RNF157: variants seen among roughly 807,000 people sequenced by gnomAD.
The protein encoded by RNF157 is ring finger protein 157, also known as E3 ubiquitin ligase RNF157.
In RNF157, 55 loss-of-function variants were observed where a neutral mutation model predicts 88.3. That is an observed-to-expected ratio of 0.62 (90% CI 0.50 to 0.78). RNF157 has a LOEUF of 0.78. Among genes scored for constraint, RNF157 ranks in the 30% least tolerant of loss-of-function variants. The pLI is 0.00. For synonymous variants in RNF157, 334 were observed against 341.2 expected (o/e 0.98, Z 0.23); for missense variants, 788 against 860.8 (o/e 0.92, Z 1.06).
rs976492606 is a variant in RNF157 at position 76,199,965 on chromosome 17, C to T, written c.207+12399G>A. On this transcript the variant is annotated intron_variant, in intron 2 of 18. Coordinates refer to ENST00000269391, the MANE Select transcript of RNF157 (RefSeq NM_052916.3). ...AAAACTAGGCATTTCAGGTCGGGCG[C>T]GGTGGCTCACGCCTGTAATCCCAGC... Among the ~76,000 whole-genome samples the T allele has an allele frequency of 3.2e-4, 48 of 152,244 alleles. No homozygotes were observed. In the Middle Eastern group the frequency reaches 0.01, roughly 32 times the overall value.
chr17:76,234,540 A>AT (rs2070249392), intron 1 of RNF157, among the ~76,000 whole-genome samples: 1 of 152,078 alleles, frequency 6.6e-6, no homozygotes, highest in African/African-American at 2.4e-5. Context: ...CGTCATTATC[A>AT]TTTTTTAAAA....
intron 4 of RNF157, 41 bp from the exon 5 acceptor site, chr17:76,167,167 G>A (rs758961802): frequency 1.2e-5 from 17 of 1,414,524 alleles, no homozygotes; most frequent in South Asian, 9.3e-5. Flanking sequence ...GTCAGTATCC[G>A]GCACAGATGG....
chr17:76,222,094 C>T (rs2145051180), intron 1 of RNF157, among the ~76,000 whole-genome samples: 1 of 152,338 alleles, frequency 6.6e-6, no homozygotes. Context: ...CGCAGTGGCG[C>T]ACACCTTTTG....
chr17:76,180,727 T>C (rs1327010545), intron 2 of RNF157, among the ~76,000 whole-genome samples: 1 of 152,174 alleles, frequency 6.6e-6, no homozygotes, highest in Non-Finnish European at 1.5e-5. Flanking sequence ...ACCTGGTCTT[T>C]TTATTTTTAT....
intron 2 of RNF157, among the ~76,000 whole-genome samples, chr17:76,201,731 A>G (rs2069582360): frequency 6.6e-6 from 1 of 152,174 alleles, no homozygotes; most frequent in South Asian, 2.1e-4. Flanking sequence ...TGCTTTATTC[A>G]GTAAGTCATG....
At chr17:76,179,274 G>A (rs2069152701) in intron 2 of RNF157, among the ~76,000 whole-genome samples, 1 of 151,996 alleles carries the variant, frequency 6.6e-6, no homozygotes, top group Non-Finnish European at 1.5e-5. Flanking sequence ...CACACCTGTA[G>A]TCCCAGCTAC....
At chr17:76,226,152 T>A (rs1408525967) in intron 1 of RNF157, 2 of 1,604,252 alleles carry the variant, frequency 1.2e-6, no homozygotes, top group Non-Finnish European at 1.7e-6. Context: ...CAGATGCCAC[T>A]ATCATTATCT....
At chr17:76,188,889 T>G (rs1357120421) in intron 2 of RNF157, among the ~76,000 whole-genome samples, 1 of 152,252 alleles carries the variant, frequency 6.6e-6, no homozygotes, top group Non-Finnish European at 1.5e-5. Flanking sequence ...TGATATTATG[T>G]ACCTCTGATA....
At chr17:76,220,519 G>A (rs989443987) in intron 1 of RNF157, among the ~76,000 whole-genome samples, 3 of 152,172 alleles carry the variant, frequency 2.0e-5, no homozygotes, top group South Asian at 2.1e-4. Context: ...CTCTGGGTGA[G>A]TGAATAATTA....
intron 2 of RNF157, among the ~76,000 whole-genome samples, chr17:76,197,724 C>T (rs2069501086): frequency 6.6e-6 from 1 of 152,118 alleles, no homozygotes; most frequent in African/African-American, 2.4e-5. Context: ...TGCCACCATG[C>T]CAGGCTGCTT....
At chr17:76,151,121 G>A (rs1055725875) in intron 18 of RNF157, among the ~76,000 whole-genome samples, 2 of 152,206 alleles carry the variant, frequency 1.3e-5, no homozygotes, top group Admixed American at 6.5e-5. Flanking sequence ...CGTGGTCAAC[G>A]CTCCCTCCTC....
intron 13 of RNF157, among the ~76,000 whole-genome samples, chr17:76,156,840 C>G (rs985378907): frequency 6.6e-6 from 1 of 152,224 alleles, no homozygotes; most frequent in Non-Finnish European, 1.5e-5. Flanking sequence ...TGTCAGGCAT[C>G]TGGGTGCACA....
intron 2 of RNF157, among the ~76,000 whole-genome samples, chr17:76,177,232 G>A (rs1002493603): frequency 1.3e-5 from 2 of 152,066 alleles, no homozygotes; most frequent in African/African-American, 2.4e-5. Context: ...TGGAAGCCAG[G>A]AACAGGCAGC....
rs2070094962 is a variant in RNF157, at chr17:76,226,762, G to A, written c.88+13391C>T. ...CCGACTGGTCGAAGGGGGACATCAA[G>A]TCCCCCACCAACACCTCGTTGCTCA... On this transcript the variant is annotated intron_variant, in intron 1 of 18. Coordinates refer to ENST00000269391, the MANE Select transcript of RNF157 (RefSeq NM_052916.3). The A allele has an allele frequency of 8.2e-6, 13 of 1,587,298 alleles. No homozygotes were observed. The South Asian group carries it at 1.2e-4, about 15-fold the overall frequency.
At chr17:76,171,138 C>T (rs1028893107) in intron 3 of RNF157, among the ~76,000 whole-genome samples, 29 of 151,844 alleles carry the variant, frequency 1.9e-4, no homozygotes, top group African/African-American at 6.5e-4. Flanking sequence ...GTGATCCGCC[C>T]GCCTTGGCCT....
At position 76,161,720 on chromosome 17, in the gene RNF157, C is replaced by G. The variant is rs1425788439; in HGVS notation, c.953-73G>C. On this transcript the variant is annotated intron_variant, in intron 10 of 18. Transcript: ENST00000269391. This position sits in a 1 kb window ranked among gnomAD's most constrained non-coding sequence, Gnocchi z 4.6. ...GAATGAACAAGAGCCCAGACAGAAACCATGATCCCTCCCAGCGCGCATCCG... is the reference window on the plus strand; with the variant it reads ...GAATGAACAAGAGCCCAGACAGAAAGCATGATCCCTCCCAGCGCGCATCCG... The G allele has an allele frequency of 1.3e-6, 2 of 1,533,342 alleles. No individual in the cohort carries two copies. Among genetic ancestry groups the G allele is most frequent in the Admixed American group, 3.6e-5 (2 of 56,194 alleles). 95.0% of individuals were successfully genotyped at this position (1,533,342 alleles called of 1,614,324 possible).
At chr17:76,236,774 G>T (rs1456225907) in intron 1 of RNF157, among the ~76,000 whole-genome samples, 1 of 152,166 alleles carries the variant, frequency 6.6e-6, no homozygotes. Flanking sequence ...GCATGCAGAG[G>T]AATACTATAT....
At chr17:76,185,231 C>G (rs2069261017) in intron 2 of RNF157, among the ~76,000 whole-genome samples, 1 of 152,202 alleles carries the variant, frequency 6.6e-6, no homozygotes, top group Non-Finnish European at 1.5e-5. Flanking sequence ...TTCCAGGCCC[C>G]CCCAGATAGG....
intron 3 of RNF157, 97 bp downstream of exon 3, chr17:76,173,605 A>T: frequency 1.1e-6 from 1 of 919,048 alleles, no homozygotes; most frequent in Non-Finnish European, 1.7e-6. Context: ...GGGCTGCCGG[A>T]AACTGCTGTA....
Sources: allele counts gnomAD v4.1 joint callset (sites outside exome capture counted in the v4.1 genomes callset), GRCh38; gene constraint gnomAD v4.1.1; non-coding constraint Gnocchi (gnomAD v3.1); transcripts MANE v1.5; gene names NCBI Gene and HGNC (gene_info 2026-07-23, HGNC 2026-07-21).